Variants in HMBOX1 observed in about 807,000 individuals in gnomAD.
HMBOX1 encodes homeobox-containing protein 1.
A neutral mutation model predicts 54.5 loss-of-function variants in HMBOX1; 14 were observed. The observed-to-expected ratio is 0.26, with a 90% CI of 0.17 to 0.40. HMBOX1 has a LOEUF of 0.40. Ranked by LOEUF, HMBOX1 falls within the 10% of genes least tolerant of loss-of-function variation. The pLI, the probability that HMBOX1 is intolerant of heterozygous loss-of-function variation, is 1.00. For synonymous variants in HMBOX1, 160 were observed against 181.0 expected (o/e 0.88, Z 0.93); for missense variants, 332 against 514.4 (o/e 0.65, Z 3.43).
intron 4 of HMBOX1, among the ~76,000 whole-genome samples, chr8:29,000,304 G>A (rs982907952): frequency 1.3e-5 from 2 of 152,132 alleles, no homozygotes. Context: ...TTTGTACTAG[G>A]TCTCAAGGTC....
chr8:28,945,415 A>G (rs6558085), intron 1 of HMBOX1, among the ~76,000 whole-genome samples: 105,080 of 152,128 alleles, frequency 0.69, 36,602 homozygotes, highest in African/African-American at 0.77. Flanking sequence ...ATCCAACTCC[A>G]AGTTTTTCAT....
At chr8:28,903,083 C>T (rs1236974638) in intron 1 of HMBOX1, among the ~76,000 whole-genome samples, 1 of 152,058 alleles carries the variant, frequency 6.6e-6, no homozygotes, top group Non-Finnish European at 1.5e-5. Context: ...ATTTACCCAC[C>T]AGTGGACATT....
intron 1 of HMBOX1, among the ~76,000 whole-genome samples, chr8:28,915,294 A>C (rs973025575): frequency 6.6e-6 from 1 of 152,138 alleles, no homozygotes; most frequent in African/African-American, 2.4e-5. Flanking sequence ...GCCGTGGCTC[A>C]CGCCTGTAAT....
intron 1 of HMBOX1, among the ~76,000 whole-genome samples, chr8:28,898,829 G>C (rs924157360): frequency 6.6e-6 from 1 of 152,180 alleles, no homozygotes; most frequent in East Asian, 1.9e-4. Context: ...TGCATTGCAT[G>C]ACCACCATGA....
intron 8 of HMBOX1, among the ~76,000 whole-genome samples, chr8:29,048,255 T>G (rs990765306): frequency 1.4e-4 from 22 of 152,234 alleles, no homozygotes; most frequent in Non-Finnish European, 1.9e-4. Flanking sequence ...TAATCATTTA[T>G]GTATATATAC....
intron 4 of HMBOX1, among the ~76,000 whole-genome samples, chr8:29,000,767 A>G (rs1170445370): frequency 6.6e-6 from 1 of 152,240 alleles, no homozygotes; most frequent in Non-Finnish European, 1.5e-5. Flanking sequence ...AGTGACTACT[A>G]GGCCACACCT....
At chr8:28,905,515 A>G (rs1234663531) in intron 1 of HMBOX1, among the ~76,000 whole-genome samples, 1 of 152,250 alleles carries the variant, frequency 6.6e-6, no homozygotes, top group Admixed American at 6.5e-5. Flanking sequence ...TATAGCCTTC[A>G]AAAGATAATA....
chr8:28,998,034 T>C (rs1355575492), intron 4 of HMBOX1, among the ~76,000 whole-genome samples: 2 of 152,212 alleles, frequency 1.3e-5, no homozygotes, highest in African/African-American at 4.8e-5. Flanking sequence ...CAGTAAAGCA[T>C]TCTGGCTTTT....
intron 1 of HMBOX1, among the ~76,000 whole-genome samples, chr8:28,923,312 C>T (rs1256402888): frequency 6.6e-6 from 1 of 152,136 alleles, no homozygotes; most frequent in Non-Finnish European, 1.5e-5. Flanking sequence ...TTTGCATAGC[C>T]AGGGTTTTCA....
intron 1 of HMBOX1, among the ~76,000 whole-genome samples, chr8:28,933,641 G>GAAA (rs1485638222): frequency 1.3e-5 from 2 of 152,090 alleles, no homozygotes; most frequent in Non-Finnish European, 2.9e-5. Context: ...TACAAACGTT[G>GAAA]GAAGAATAAT....
At chr8:28,997,579 C>T (rs528372099) in intron 4 of HMBOX1, among the ~76,000 whole-genome samples, 7 of 152,268 alleles carry the variant, frequency 4.6e-5, no homozygotes, top group Admixed American at 2.0e-4. Context: ...CTGGGTCTCA[C>T]TCTGTCGCCC....
intron 4 of HMBOX1, among the ~76,000 whole-genome samples, chr8:28,995,979 G>A (rs1195040624): frequency 6.6e-6 from 1 of 151,962 alleles, no homozygotes; most frequent in African/African-American, 2.4e-5. Context: ...GGTGGCAGGC[G>A]CCTTTAGTCC....
chr8:29,036,101 T>A (rs978900387), intron 6 of HMBOX1, among the ~76,000 whole-genome samples: 1 of 152,208 alleles, frequency 6.6e-6, no homozygotes, highest in African/African-American at 2.4e-5. Flanking sequence ...ACTCACCTTC[T>A]AAATCCAGTG....
chr8:28,981,439 T>C (rs973184447), intron 4 of HMBOX1, among the ~76,000 whole-genome samples: 2 of 152,224 alleles, frequency 1.3e-5, no homozygotes, highest in Admixed American at 6.5e-5. Flanking sequence ...CTTAATGCAA[T>C]GTAAGGACAA....
chr8:28,941,305 TG>T (rs536690096), intron 1 of HMBOX1, among the ~76,000 whole-genome samples: 55 of 152,332 alleles, frequency 3.6e-4, no homozygotes, highest in African/African-American at 1.1e-3. Flanking sequence ...AATACTTTAT[TG>T]TATTTTGGGA....
At chr8:28,917,446 T>G (rs1816764314) in intron 1 of HMBOX1, among the ~76,000 whole-genome samples, 1 of 151,974 alleles carries the variant, frequency 6.6e-6, no homozygotes, top group African/African-American at 2.4e-5. Flanking sequence ...GTTTGAAGAG[T>G]TTTTTTTCTA....
At chr8:28,945,221 A>T (rs1384740502) in intron 1 of HMBOX1, among the ~76,000 whole-genome samples, 1 of 152,208 alleles carries the variant, frequency 6.6e-6, no homozygotes, top group East Asian at 1.9e-4. Context: ...CTTCTACTGT[A>T]TCTTTAGTTC....
chr8:28,960,781 T>TTTTTTTTTTTTTTTTTTTG (rs1825421336), intron 1 of HMBOX1, among the ~76,000 whole-genome samples: 4 of 45,346 alleles, frequency 8.8e-5, no homozygotes, highest in Non-Finnish European at 1.4e-4. Context: ...TTTTTTTTTT[T>TTTTTTTTTTTTTTTTTTTG]TTTTTTTTTT....
At chr8:29,027,396 G>C (rs186046509) in intron 6 of HMBOX1, among the ~76,000 whole-genome samples, 3 of 152,296 alleles carry the variant, frequency 2.0e-5, no homozygotes, top group Admixed American at 1.3e-4. Flanking sequence ...AGTGTTGAAG[G>C]CTTCATGGCC....
Sources: allele counts gnomAD v4.1 joint callset (sites outside exome capture counted in the v4.1 genomes callset), GRCh38; gene constraint gnomAD v4.1.1; transcripts MANE v1.5; gene names NCBI Gene and HGNC (gene_info 2026-07-23, HGNC 2026-07-21).